ZDHHC14: variants seen among roughly 807,000 people sequenced by gnomAD.
The protein encoded by ZDHHC14 is palmitoyltransferase ZDHHC14.
In ZDHHC14, 16 loss-of-function variants were observed where a neutral mutation model predicts 47.7. The ratio of observed to expected loss-of-function variants is 0.34; its 90% CI spans 0.23 to 0.51. The LOEUF (loss-of-function observed/expected upper bound fraction) is 0.51. ZDHHC14 is among the 20% of genes least tolerant of loss of function. The probability of loss-of-function intolerance (pLI) is 0.97; values close to 1 mark genes in which losing one functional copy is unlikely to be tolerated. For synonymous variants in ZDHHC14, 293 were observed against 278.9 expected, an observed-to-expected ratio of 1.05 and a Z score of -0.50; for missense variants, 515 against 662.5, an observed-to-expected ratio of 0.78 and a Z score of 2.44.
chr6:157,676,519 C>G lies in ZDHHC14; in HGVS notation c.*3397C>G, dbSNP rs1295127174. The G allele has an allele frequency of 1.3e-5, 2 of 152,348 alleles. No individual in the cohort carries two copies. Among genetic ancestry groups the G allele is most frequent in the Non-Finnish European group, 2.9e-5 (2 of 68,144 alleles). 9.4% of individuals were successfully genotyped at this position (152,348 alleles called of 1,614,324 possible). A position where few individuals can be genotyped will look rare whatever the true frequency, so the allele number is the denominator to read the frequency against. ...TTATGAGCCATGTTCCTGCGGAGAC[C>G]TGATGGGCCAGGCCTTCTGTGGCTT... On this transcript the variant is annotated 3_prime_UTR_variant, in exon 9 of 9. Coordinates refer to ENST00000359775, the MANE Select transcript of ZDHHC14 (RefSeq NM_024630.3).
intron 2 of ZDHHC14, among the ~76,000 whole-genome samples, chr6:157,569,836 G>T (rs1356024176): frequency 6.6e-6 from 1 of 151,632 alleles, no homozygotes; most frequent in Non-Finnish European, 1.5e-5. Flanking sequence ...ATATTTTTCT[G>T]TTTCAAAGGA....
intron 1 of ZDHHC14, among the ~76,000 whole-genome samples, chr6:157,405,936 G>A (rs1042755935): frequency 2.0e-5 from 3 of 152,158 alleles, no homozygotes; most frequent in Non-Finnish European, 4.4e-5. Context: ...ATTCTGGATG[G>A]TTATTCCCCA....
intron 8 of ZDHHC14, among the ~76,000 whole-genome samples, chr6:157,669,484 C>T (rs1487793020): frequency 6.6e-6 from 1 of 152,206 alleles, no homozygotes; most frequent in East Asian, 1.9e-4. Flanking sequence ...CCTCTGCCCT[C>T]AGGCTCCTAC....
chr6:157,466,959 T>G lies in ZDHHC14; in HGVS notation c.246-75626T>G, dbSNP rs529636643. 4.6e-5 allele frequency among the ~76,000 whole-genome samples: 7 copies of G among 152,236 alleles called. No individual in the cohort carries two copies. In the South Asian group the frequency reaches 1.0e-3, roughly 23 times the overall value. On this transcript the variant is annotated intron_variant, in intron 1 of 8. Coordinates refer to ENST00000359775, the MANE Select transcript of ZDHHC14 (RefSeq NM_024630.3). ...GAACTGCGCAGTAGCTGCCCTCACA[T>G]GGCGAGGCTCATTCTCCAGGTGACT...
Position 157,577,285 on chromosome 6 carries a change from T to C in ZDHHC14, c.407-15703T>C, listed in dbSNP as rs535766778. ...ACCACTGATGAACATTGAGATTAAT[T>C]CCATGCCTTTGCTATTGTGAATAGT... is the stretch of plus-strand genomic sequence containing the variant. On this transcript the variant is annotated intron_variant, in intron 2 of 8. Coordinates refer to ENST00000359775, the MANE Select transcript of ZDHHC14 (RefSeq NM_024630.3). Among the ~76,000 whole-genome samples, 210 of 152,354 alleles carry C rather than the reference T, an allele frequency of 1.4e-3. 1 individual carries two copies. In the South Asian group the frequency reaches 0.014, roughly 10 times the overall value.
At chr6:157,522,436 C>T (rs1780954879) in intron 1 of ZDHHC14, among the ~76,000 whole-genome samples, 1 of 152,134 alleles carries the variant, frequency 6.6e-6, no homozygotes, top group African/African-American at 2.4e-5. Context: ...CTGGTTTTCA[C>T]ACCAGCTTTT....
intron 2 of ZDHHC14, among the ~76,000 whole-genome samples, chr6:157,556,114 C>G (rs923592094): frequency 6.6e-6 from 1 of 151,792 alleles, no homozygotes; most frequent in Admixed American, 6.6e-5. Context: ...AATATGGGGA[C>G]CCCAGCTAGA....
intron 1 of ZDHHC14, among the ~76,000 whole-genome samples, chr6:157,445,040 C>G (rs985938903): frequency 4.0e-5 from 6 of 150,848 alleles, no homozygotes; most frequent in Non-Finnish European, 7.4e-5. Context: ...AGAGTCCAGG[C>G]TGGGGAAGGG....
intron 8 of ZDHHC14, 100 bp from the exon 9 acceptor site, chr6:157,672,624 A>AGGC: frequency 3.7e-6 from 1 of 273,144 alleles, no homozygotes; most frequent in Non-Finnish European, 7.2e-6. Flanking sequence ...CTCTTCTCGC[A>AGGC]CCCCACCCTC....
At chr6:157,433,493 G>T (rs1778381856) in intron 1 of ZDHHC14, among the ~76,000 whole-genome samples, 1 of 152,228 alleles carries the variant, frequency 6.6e-6, no homozygotes, top group Non-Finnish European at 1.5e-5. Context: ...TGAGAGTTCA[G>T]CCTGGGCCGT....
intron 1 of ZDHHC14, among the ~76,000 whole-genome samples, chr6:157,527,431 C>T (rs1781197249): frequency 2.0e-5 from 3 of 152,178 alleles, no homozygotes; most frequent in East Asian, 1.9e-4. Context: ...CAAAAAAGTG[C>T]TTTGCAGAGC....
intron 3 of ZDHHC14, among the ~76,000 whole-genome samples, chr6:157,601,599 C>T (rs772171328): frequency 3.4e-4 from 52 of 152,052 alleles, no homozygotes; most frequent in Non-Finnish European, 5.9e-4. Context: ...AATTATGAGT[C>T]GGGGGGCAAG....
At chr6:157,418,238 G>A (rs1029753409) in intron 1 of ZDHHC14, among the ~76,000 whole-genome samples, 4 of 152,198 alleles carry the variant, frequency 2.6e-5, no homozygotes, top group Admixed American at 6.5e-5. Flanking sequence ...GGTGGAGTGT[G>A]TGTTAGAGGT....
chr6:157,388,505 G>C (rs145891710), intron 1 of ZDHHC14, among the ~76,000 whole-genome samples: 274 of 152,244 alleles, frequency 1.8e-3, no homozygotes, highest in African/African-American at 6.3e-3. Context: ...TATTTTATAG[G>C]TGAGGTTGTT....
intron 1 of ZDHHC14, among the ~76,000 whole-genome samples, chr6:157,542,036 A>G (rs901215416): frequency 6.6e-6 from 1 of 152,224 alleles, no homozygotes; most frequent in East Asian, 1.9e-4. Flanking sequence ...TCACTTTGGA[A>G]TAGATTACCT....
intron 1 of ZDHHC14, among the ~76,000 whole-genome samples, chr6:157,474,234 A>G (rs1583681100): frequency 2.0e-5 from 3 of 152,100 alleles, no homozygotes; most frequent in Non-Finnish European, 4.4e-5. Context: ...CAGGTGATCC[A>G]CCTGCCTCAG....
chr6:157,636,049 A>T (rs961548837), intron 5 of ZDHHC14, among the ~76,000 whole-genome samples: 2 of 152,246 alleles, frequency 1.3e-5, no homozygotes, highest in Middle Eastern at 3.4e-3. Context: ...GGGGCAGGGC[A>T]GCCACAGCCT....
At chr6:157,439,980 A>G (rs572145948) in intron 1 of ZDHHC14, among the ~76,000 whole-genome samples, 1 of 151,950 alleles carries the variant, frequency 6.6e-6, no homozygotes, top group African/African-American at 2.4e-5. Context: ...AGATACAGGG[A>G]GGGGAACAAC....
At chr6:157,553,348 A>G (rs1010355128) in intron 2 of ZDHHC14, among the ~76,000 whole-genome samples, 1 of 152,170 alleles carries the variant, frequency 6.6e-6, no homozygotes, top group Non-Finnish European at 1.5e-5. Flanking sequence ...GAAGCCCCCA[A>G]ATCAGGGCCT....
Sources: allele counts gnomAD v4.1 joint callset (sites outside exome capture counted in the v4.1 genomes callset), GRCh38; gene constraint gnomAD v4.1.1; transcripts MANE v1.5; gene names NCBI Gene and HGNC (gene_info 2026-07-23, HGNC 2026-07-21).